ADAM19: variants seen among roughly 807,000 people sequenced by gnomAD.
ADAM19 encodes the protein ADAM metallopeptidase domain 19, also known as disintegrin and metalloproteinase domain-containing protein 19.
ADAM19 carries 65 observed loss-of-function variants against 114.7 expected under a neutral mutation model. That is an observed-to-expected ratio of 0.57 (90% CI 0.46 to 0.70). The LOEUF is 0.70. Among genes scored for constraint, ADAM19 ranks in the 30% least tolerant of loss-of-function variants. The pLI, the probability that ADAM19 is intolerant of heterozygous loss-of-function variation, is 0.00. For synonymous variants in ADAM19, 466 were observed against 460.5 expected (o/e 1.01, Z -0.15); for missense variants, 1,063 against 1,204.7 (o/e 0.88, Z 1.74).
intron 3 of ADAM19, among the ~76,000 whole-genome samples, chr5:157,560,264 CAAAAAAAAAAA>C (rs35731498): frequency 7.7e-5 from 4 of 51,714 alleles, no homozygotes; most frequent in Non-Finnish European, 1.1e-4. Context: ...GACTCCGTCT[CAAAAAAAAAAA>C]AAAAAAAAAA....
chr5:157,507,185 G>C (rs970243998), intron 9 of ADAM19, 45 bp from the exon 10 acceptor site: 1 of 1,587,138 alleles, frequency 6.3e-7, no homozygotes, highest in African/African-American at 1.3e-5. Context: ...GAGACTAAGA[G>C]GGCTGTTCCA....
At position 157,503,000 on chromosome 5, in the gene ADAM19, G is replaced by C; in HGVS notation, c.1131-20C>G. 6.2e-7 allele frequency: 1 copy of C among 1,606,292 alleles called. No individual in the cohort carries two copies. Among genetic ancestry groups the C allele is most frequent in the South Asian group, 1.1e-5 (1 of 90,800 alleles). On this transcript the variant is annotated intron_variant, in intron 11 of 22. Transcript: ENST00000257527. ...GGGTGCCTGGCAGAGGACAAGGCTG[G>C]AATTAGTGGGGAGTTTGAGCATCTA...
chr5:157,488,545 G>C, intron 20 of ADAM19, 56 bp from the exon 21 acceptor site: 1 of 1,403,402 alleles, frequency 7.1e-7, no homozygotes, highest in Non-Finnish European at 9.7e-7. Context: ...GGCTGGCCTT[G>C]TGTGTCTCTT....
intron 2 of ADAM19, among the ~76,000 whole-genome samples, chr5:157,567,091 C>G (rs575732000): frequency 6.6e-6 from 1 of 152,324 alleles, no homozygotes; most frequent in East Asian, 1.9e-4. Context: ...GTCACCTGTT[C>G]TGCCACCTCT....
At chr5:157,546,115 G>A (rs1581344653) in intron 3 of ADAM19, among the ~76,000 whole-genome samples, 1 of 152,220 alleles carries the variant, frequency 6.6e-6, no homozygotes, top group East Asian at 1.9e-4. Context: ...TCCTGGCTTG[G>A]CACCTGCAGC....
At chr5:157,496,473 A>G (rs758850442) in intron 14 of ADAM19, among the ~76,000 whole-genome samples, 6 of 152,290 alleles carry the variant, frequency 3.9e-5, no homozygotes, top group South Asian at 2.1e-4. Flanking sequence ...CCACAACACT[A>G]TATCATTATT....
intron 8 of ADAM19, among the ~76,000 whole-genome samples, chr5:157,513,162 C>CA (rs201229093): frequency 2.8e-4 from 42 of 148,944 alleles, no homozygotes; most frequent in Admixed American, 4.7e-4. Context: ...ATAAAAATAA[C>CA]AAAAAAAAAC....
chr5:157,512,044 T>C (rs1407076334), intron 8 of ADAM19, among the ~76,000 whole-genome samples: 2 of 152,248 alleles, frequency 1.3e-5, no homozygotes, highest in African/African-American at 4.8e-5. Flanking sequence ...CAGCCTCCCA[T>C]ATTCTCCCCA....
At position 157,478,498 on chromosome 5, in the gene ADAM19, C is replaced by T; in HGVS notation, c.*2451G>A. On this transcript the variant is annotated 3_prime_UTR_variant, in exon 23 of 23. Transcript: ENST00000257527. Reference sequence around the variant, plus strand: ...TCCCTTTTGCAATATTCCCTTTCCCCTTCTGCAATCGTGCTTTGGAATAAG... The same window carrying T: ...TCCCTTTTGCAATATTCCCTTTCCCTTTCTGCAATCGTGCTTTGGAATAAG... The T allele has an allele frequency of 6.7e-6, 6 of 891,526 alleles. No homozygotes were observed. The highest frequency in any genetic ancestry group is 8.1e-6 in the Non-Finnish European group (6 of 744,426). 55.2% of individuals were successfully genotyped at this position (891,526 alleles called of 1,614,324 possible). A position where few individuals can be genotyped will look rare whatever the true frequency, so the allele number is the denominator to read the frequency against.
rs1475365619 is a variant in ADAM19 at position 157,575,758 on chromosome 5, G to C, written c.-62C>G. 1.6e-5 allele frequency: 19 copies of C among 1,182,560 alleles called. No individual in the cohort carries two copies. The South Asian group carries it at 2.2e-4, about 13-fold the overall frequency. The allele number at this position is 1,182,560 out of a possible 1,614,324, so 73.3% of individuals were successfully genotyped here. On this transcript the variant is annotated 5_prime_UTR_variant, in exon 1 of 23. Transcript: ENST00000257527. ...CCTCAGCCATACCTGCCCACTGCCC[G>C]GCGGTGGAGGCGCGTCTGGAACCCC...
chr5:157,523,129 A>T (rs1018959647), intron 5 of ADAM19, among the ~76,000 whole-genome samples: 4 of 152,198 alleles, frequency 2.6e-5, no homozygotes, highest in Admixed American at 6.5e-5. Flanking sequence ...TGTGGGCTCC[A>T]GGCATGGGGA....
chr5:157,496,233 GC>G lies in ADAM19; in HGVS notation c.1594+660del, dbSNP rs201482210. Reference sequence around the variant, plus strand: ...GATGATTTTATTCAGTAAATATAGGGCTGCCTCCTTATTTAGCCATAAAGCA... The same window carrying G: ...GATGATTTTATTCAGTAAATATAGGGTGCCTCCTTATTTAGCCATAAAGCA... On this transcript the variant is annotated intron_variant, in intron 14 of 22. Transcript: ENST00000257527. 2.0e-3 allele frequency among the ~76,000 whole-genome samples: 307 copies of G among 152,168 alleles called. 2 individuals carry two copies. The highest frequency in any genetic ancestry group is 0.015 in the East Asian group (76 of 5,174).
intron 8 of ADAM19, among the ~76,000 whole-genome samples, chr5:157,513,104 T>C (rs11466767): frequency 0.012 from 1,883 of 152,194 alleles, 18 homozygotes; most frequent in Non-Finnish European, 0.017. Flanking sequence ...CTAACTTTTA[T>C]AGTAGATATT....
chr5:157,552,677 C>CAAA (rs778402112), intron 3 of ADAM19, among the ~76,000 whole-genome samples: 10 of 59,368 alleles, frequency 1.7e-4, no homozygotes, highest in Admixed American at 2.1e-4. Context: ...GGACTCTACT[C>CAAA]AAAAAAAAAA....
chr5:157,575,657 C>T lies in ADAM19; in HGVS notation c.40G>A (p.Ala14Thr). 1 of 1,399,210 alleles carries T rather than the reference C, an allele frequency of 7.1e-7. No homozygotes were observed. The highest frequency in any genetic ancestry group is 9.2e-7 in the Non-Finnish European group (1 of 1,084,548). 86.7% of individuals were successfully genotyped at this position (1,399,210 alleles called of 1,614,324 possible). Residue 14 changes from alanine (A) to threonine (T), a missense_variant, in exon 1 of 23, where the codon GCG (alanine) becomes ACG (threonine). Ala to Thr is a moderately conservative substitution (Grantham distance 58). Coordinates refer to ENST00000257527, the MANE Select transcript of ADAM19 (RefSeq NM_033274.5). ...GAGAARLCLL[A>T]FALQPLRPRA... ...GGCCGGAGGGGCTGCAGGGCAAACG[C>T]CAGCAAGCAGAGCCGGGCGGCGCCT... is the stretch of plus-strand genomic sequence containing the variant.
chr5:157,563,664 A>G (rs1458677108), intron 3 of ADAM19, among the ~76,000 whole-genome samples: 1 of 152,186 alleles, frequency 6.6e-6, no homozygotes, highest in Non-Finnish European at 1.5e-5. Context: ...CCGGCCAAGT[A>G]AGGAGAGCTC....
chr5:157,488,492 G>A lies in ADAM19; in HGVS notation c.2326-3C>T, dbSNP rs1755029989. 20 of 1,580,528 alleles carry A rather than the reference G, an allele frequency of 1.3e-5. No homozygotes were observed. Among genetic ancestry groups the A allele is most frequent in the Non-Finnish European group, 1.6e-5 (19 of 1,161,170 alleles). The stretch of plus-strand genomic sequence containing the variant: ...AGGATTTCCGGAGTGTTGATCACCT[G>A]TACGCACAAGTCAAGGAACACCTGA... On this transcript the variant is annotated splice_region_variant and splice_polypyrimidine_tract_variant and intron_variant, in intron 20 of 22. Transcript: ENST00000257527.
chr5:157,507,550 G>A (rs922841851), intron 9 of ADAM19, among the ~76,000 whole-genome samples: 10 of 152,160 alleles, frequency 6.6e-5, no homozygotes, highest in Admixed American at 2.6e-4. Flanking sequence ...ACCAGCTGCC[G>A]GGATCCAATA....
At chr5:157,566,598 AT>A (rs1757669759) in intron 2 of ADAM19, 1 of 152,194 alleles carries the variant, frequency 6.6e-6, no homozygotes, top group African/African-American at 2.4e-5. Flanking sequence ...GAAATAAATT[AT>A]TTTTTTAAAA....
Sources: allele counts gnomAD v4.1 joint callset (sites outside exome capture counted in the v4.1 genomes callset), GRCh38; gene constraint gnomAD v4.1.1; transcripts MANE v1.5; gene names NCBI Gene and HGNC (gene_info 2026-07-23, HGNC 2026-07-21).